The following PRDM15 variants were observed in gnomAD, a reference collection of about 807,000 sequenced individuals.
PRDM15 encodes PR domain zinc finger protein 15.
Under a neutral mutation model 128.6 loss-of-function variants are expected in PRDM15, and 64 were observed. The observed-to-expected ratio is 0.50, with a 90% confidence interval of 0.41 to 0.61. The LOEUF (loss-of-function observed/expected upper bound fraction) is 0.61. Among genes scored for constraint, PRDM15 ranks in the 20% least tolerant of loss-of-function variants. The pLI is 0.00. For missense variants in PRDM15, 1,242 were observed against 1,569.1 expected, an observed-to-expected ratio of 0.79 and a Z score of 3.52; for synonymous variants, 615 against 621.8, an observed-to-expected ratio of 0.99 and a Z score of 0.16.
Position 41,810,500 on chromosome 21 carries a change from T to TC in PRDM15, c.2477-172dup. The TC allele has an allele frequency of 1.4e-6, 1 of 723,906 alleles. No homozygotes were observed. The highest frequency in any genetic ancestry group is 2.3e-6 in the Non-Finnish European group (1 of 442,934). The allele number at this position is 723,906 out of a possible 1,614,324, so 44.8% of individuals were successfully genotyped here. On this transcript the variant is annotated intron_variant, in intron 20 of 23. Coordinates refer to ENST00000398548, the MANE Select transcript of PRDM15 (RefSeq NM_001040424.3). The surrounding 1 kb of genome is among the most constrained non-coding windows in gnomAD (Gnocchi z 6.4). Reference sequence around the variant, plus strand: ...CCCGAGCACACATGAGCACAGAGCCTCTGTCCCTTGGGGAGCACTGCCAGC... The same window carrying TC: ...CCCGAGCACACATGAGCACAGAGCCTCCTGTCCCTTGGGGAGCACTGCCAGC...
Position 41,801,522 on chromosome 21 carries a change from G to A in PRDM15, c.3144C>T (p.Val1048=). 1 of 1,614,204 alleles carries A rather than the reference G, an allele frequency of 6.2e-7. No individual in the cohort carries two copies. The highest frequency in any genetic ancestry group is 8.5e-7 in the Non-Finnish European group (1 of 1,180,044). The stretch of plus-strand genomic sequence containing the variant: ...GGTTGTGCAACATGGCAGAGCCGCT[G>A]ACGGTATCAAAGGTCACGGTCAGGA... ...NSILTVTFDT[V]SGSAMLHNRQ... is the part of the protein sequence containing the mutation. The change falls in exon 24 of 24, where the codon GTC becomes GTT. Residue 1048 remains valine (V), a synonymous_variant. Coordinates refer to ENST00000398548, the MANE Select transcript of PRDM15 (RefSeq NM_001040424.3).
rs2061389470 is a variant in PRDM15, at chr21:41,800,460, G to A, written c.*780C>T. On this transcript the variant is annotated 3_prime_UTR_variant, in exon 24 of 24. Transcript: ENST00000398548. ...TAACATAAAACTAAAACACAATATTGGCCATAACAGTCTTGAACACATAAT... is the reference window on the plus strand; with the variant it reads ...TAACATAAAACTAAAACACAATATTAGCCATAACAGTCTTGAACACATAAT... 6.6e-6 allele frequency: 1 copy of A among 151,988 alleles called. No homozygotes were observed. Among genetic ancestry groups the A allele is most frequent in the South Asian group, 2.1e-4 (1 of 4,812 alleles). 9.4% of individuals were successfully genotyped at this position (151,988 alleles called of 1,614,324 possible). A position where few individuals can be genotyped will look rare whatever the true frequency, so the allele number is the denominator to read the frequency against.
chr21:41,810,579 G>C lies in PRDM15; in HGVS notation c.2476+174C>G, dbSNP rs561911739. 2 of 644,750 alleles carry C rather than the reference G, an allele frequency of 3.1e-6. No individual in the cohort carries two copies. The highest frequency in any genetic ancestry group is 5.5e-5 in the East Asian group (2 of 36,566). 39.9% of individuals were successfully genotyped at this position (644,750 alleles called of 1,614,324 possible). A position where few individuals can be genotyped will look rare whatever the true frequency, so the allele number is the denominator to read the frequency against. ...AAAATTCAAGAAGGGATACTTGAAAGCTGTGGCGGGTTGACCTTCAGAGGC... is the reference window on the plus strand; with the variant it reads ...AAAATTCAAGAAGGGATACTTGAAACCTGTGGCGGGTTGACCTTCAGAGGC... On this transcript the variant is annotated intron_variant, in intron 20 of 23. Coordinates refer to ENST00000398548, the MANE Select transcript of PRDM15 (RefSeq NM_001040424.3). The surrounding 1 kb of genome is among the most constrained non-coding windows in gnomAD (Gnocchi z 6.4).
intron 1 of PRDM15, among the ~76,000 whole-genome samples, chr21:41,865,195 T>TCA: frequency 6.6e-6 from 1 of 150,888 alleles, no homozygotes; most frequent in African/African-American, 2.4e-5. Context: ...TCCCCAGCCC[T>TCA]CTCTGCCATG....
chr21:41,839,446 A>G (rs980698899), intron 7 of PRDM15, among the ~76,000 whole-genome samples, 177 bp downstream of exon 7: 3 of 152,328 alleles, frequency 2.0e-5, no homozygotes, highest in Admixed American at 2.0e-4. Context: ...TTACATGGAA[A>G]TTGTACTTTA....
rs1016859288 is a variant in PRDM15, at chr21:41,799,199, A to G, written c.*2041T>C. On this transcript the variant is annotated 3_prime_UTR_variant, in exon 24 of 24. Coordinates refer to ENST00000398548, the MANE Select transcript of PRDM15 (RefSeq NM_001040424.3). ...TAGTGGGTGTTTCGTCATGAGCCCA[A>G]AGCCCGTTGGGAGTCTCTGCGAGGT... The G allele has an allele frequency of 1.3e-5, 2 of 152,220 alleles. No homozygotes were observed. Among genetic ancestry groups the G allele is most frequent in the Non-Finnish European group, 2.9e-5 (2 of 68,040 alleles). 9.4% of individuals were successfully genotyped at this position (152,220 alleles called of 1,614,324 possible). A position where few individuals can be genotyped will look rare whatever the true frequency, so the allele number is the denominator to read the frequency against.
chr21:41,833,921 C>T (rs1038967733), intron 11 of PRDM15, among the ~76,000 whole-genome samples: 1 of 152,220 alleles, frequency 6.6e-6, no homozygotes, highest in African/African-American at 2.4e-5. Context: ...CCGAAACCCT[C>T]GCCTGCTACA....
At chr21:41,874,525 A>ATATATT in intron 1 of PRDM15, among the ~76,000 whole-genome samples, 1,054 of 95,726 alleles carry the variant, frequency 0.011, 13 homozygotes, top group East Asian at 0.02. Context: ...ATATATATAT[A>ATATATT]TTTTTTTTTT....
Position 41,836,487 on chromosome 21 carries a change from G to C in PRDM15, c.1164C>G (p.Ser388Arg). Residue 388 changes from serine to arginine, a missense_variant, in exon 9 of 24, where the codon AGC becomes AGG. By Grantham distance (110) the Ser-to-Arg change is moderately radical (BLOSUM62 -1). This residue lies in a region of PRDM15 where 612 missense variants were observed against 717.0 expected (regional missense o/e 0.85). Transcript: ENST00000398548. ...SKIFQNSSNL[S>R]RHVRSHGDKL... ...ACTCACCATGCGAGCGCACGTGCCT[G>C]CTCAGGTTGCTGCTGTTCTGGAAGA... is the stretch of plus-strand genomic sequence containing the variant. 2 of 1,611,698 alleles carry C rather than the reference G, an allele frequency of 1.2e-6. No homozygotes were observed. The highest frequency in any genetic ancestry group is 1.7e-6 in the Non-Finnish European group (2 of 1,179,538).
Position 41,803,597 on chromosome 21 carries a change from C to A in PRDM15, c.2734-676G>T, listed in dbSNP as rs539292566. ...CCATTCCACACAACCTGATCCTAAC[C>A]CAGTGGCAGACAGACCCAGCGTGGG... On this transcript the variant is annotated intron_variant, in intron 22 of 23. Coordinates refer to ENST00000398548, the MANE Select transcript of PRDM15 (RefSeq NM_001040424.3). 8.5e-4 allele frequency among the ~76,000 whole-genome samples: 130 copies of A among 152,332 alleles called. 2 individuals are homozygous for A. Among genetic ancestry groups the A allele is most frequent in the Admixed American group, 4.4e-3 (68 of 15,306 alleles).
Position 41,828,256 on chromosome 21 carries a change from GCTT to G in PRDM15, c.1441_1443del (p.Lys481del). On this transcript the variant is annotated inframe_deletion, in exon 12 of 24. Coordinates refer to ENST00000398548, the MANE Select transcript of PRDM15 (RefSeq NM_001040424.3). This position sits in a 1 kb window ranked among gnomAD's most constrained non-coding sequence, Gnocchi z 5.7. ...TCACAGGCAAACTTCTTGTCGCCGT[GCTT>G]CTTCTTGTGCTTGGAGAGGTTGCTG... 3 of 1,614,032 alleles carry G rather than the reference GCTT, an allele frequency of 1.9e-6. No individual in the cohort carries two copies. Among genetic ancestry groups the G allele is most frequent in the Non-Finnish European group, 1.7e-6 (2 of 1,179,986 alleles).
At chr21:41,831,066 A>G (rs2062674048) in intron 11 of PRDM15, among the ~76,000 whole-genome samples, 1 of 152,258 alleles carries the variant, frequency 6.6e-6, no homozygotes, top group Non-Finnish European at 1.5e-5. Context: ...GTGACCCAGG[A>G]GCGGGGCACC....
chr21:41,825,322 G>T (rs918067858), intron 13 of PRDM15, among the ~76,000 whole-genome samples: 3 of 152,232 alleles, frequency 2.0e-5, no homozygotes, highest in Admixed American at 1.3e-4. Context: ...GACGCGCAGC[G>T]TGTTTGCTGG....
intron 1 of PRDM15, chr21:41,861,425 A>G: frequency 1.4e-6 from 1 of 705,608 alleles, no homozygotes; most frequent in Non-Finnish European, 2.3e-6. Flanking sequence ...CTGGGGCCTC[A>G]CATTCCTGGG....
rs774261754 is a variant in PRDM15 at position 41,839,813 on chromosome 21, A to G, written c.681T>C (p.Pro227=). The G allele has an allele frequency of 8.1e-6, 13 of 1,614,156 alleles. No homozygotes were observed. The highest frequency in any genetic ancestry group is 1.0e-5 in the Non-Finnish European group (12 of 1,180,042). Residue 227 remains proline, a synonymous_variant, in exon 7 of 24, where the codon CCT becomes CCC. Transcript: ENST00000398548. ...LGHLEQAKSL[P]PGSQSEAAAP... The stretch of plus-strand genomic sequence containing the variant: ...CTGCTGCCTCGCTTTGGCTGCCTGG[A>G]GGAAGGCTTTTGGCTTGTTCTAAGT...
chr21:41,878,514 C>T (rs1009895219), intron 1 of PRDM15, among the ~76,000 whole-genome samples: 11 of 152,178 alleles, frequency 7.2e-5, no homozygotes, highest in African/African-American at 2.4e-4. Context: ...CTGCGCGTGG[C>T]CCCCGTCCCC....
intron 16 of PRDM15, 84 bp from the exon 17 acceptor site, chr21:41,820,258 G>A (rs1464333633): frequency 2.1e-5 from 22 of 1,034,324 alleles, no homozygotes; most frequent in Non-Finnish European, 3.2e-5. Flanking sequence ...ACCTTCATCT[G>A]CAAAGGTGAG....
intron 11 of PRDM15, among the ~76,000 whole-genome samples, chr21:41,831,435 T>C (rs1244183350): frequency 6.6e-6 from 1 of 152,148 alleles, no homozygotes; most frequent in East Asian, 1.9e-4. Context: ...GCAAACGCCC[T>C]CCACTCTCCA....
Position 41,801,154 on chromosome 21 carries a change from T to C in PRDM15, c.*86A>G. 6.7e-7 allele frequency: 1 copy of C among 1,485,030 alleles called. No individual in the cohort carries two copies. The highest frequency in any genetic ancestry group is 1.4e-5 in the South Asian group (1 of 72,966). 92.0% of individuals were successfully genotyped at this position (1,485,030 alleles called of 1,614,324 possible). A position where few individuals can be genotyped will look rare whatever the true frequency, so the allele number is the denominator to read the frequency against. The stretch of plus-strand genomic sequence containing the variant: ...ACCTTACATTGCAATGTATGACTTT[T>C]TGTTTGTTTGGTATCCAGCAAACAC... On this transcript the variant is annotated 3_prime_UTR_variant, in exon 24 of 24. Coordinates refer to ENST00000398548, the MANE Select transcript of PRDM15 (RefSeq NM_001040424.3).
Sources: gnomAD v4.1 joint callset for allele counts (sites outside exome capture counted in the v4.1 genomes callset) on GRCh38, gnomAD v4.1.1 for gene constraint, gnomAD v4.1.1 regional missense constraint, Gnocchi (gnomAD v3.1) non-coding constraint, MANE v1.5 for transcripts, NCBI Gene and HGNC (gene_info 2026-07-23, HGNC 2026-07-21) for gene names.